CXXC5: variants seen among roughly 807,000 people sequenced by gnomAD.
The protein encoded by CXXC5 is CXXC finger protein 5, also known as CXXC-type zinc finger protein 5.
Under a neutral mutation model 17.6 loss-of-function variants are expected in CXXC5, and 2 were observed. The observed-to-expected ratio is 0.11, with a 90% CI of 0.05 to 0.36. CXXC5 has a LOEUF of 0.36. Ranked by LOEUF, CXXC5 falls within the 10% of genes least tolerant of loss-of-function variation. CXXC5 has a pLI of 1.00. For missense variants in CXXC5, 343 were observed against 458.3 expected, an observed-to-expected ratio of 0.75 and a Z score of 2.30; for synonymous variants, 171 against 193.0, an observed-to-expected ratio of 0.89 and a Z score of 0.94.
intron 1 of CXXC5, among the ~76,000 whole-genome samples, chr5:139,656,447 A>C (rs1486488707): frequency 1.3e-5 from 2 of 151,116 alleles, no homozygotes; most frequent in East Asian, 3.9e-4. Flanking sequence ...AAGTGCTTAC[A>C]TACACACACA....
At position 139,664,469 on chromosome 5, in the gene CXXC5, G is replaced by A. The variant is rs115559300; in HGVS notation, c.-161+15624G>A. ...ACAATGACCCCCCATCCCGTGGTCC[G>A]TGTGTCACTTAGCACCAGGCGCTGC... On this transcript the variant is annotated intron_variant, in intron 1 of 2. Coordinates refer to ENST00000302517, the MANE Select transcript of CXXC5 (RefSeq NM_016463.9). 1.9e-3 allele frequency among the ~76,000 whole-genome samples: 289 copies of A among 152,256 alleles called. 1 individual carries two copies. The highest frequency in any genetic ancestry group is 6.1e-3 in the African/African-American group (254 of 41,526).
Position 139,683,034 on chromosome 5 carries a change from T to A in CXXC5, c.*127T>A. On this transcript the variant is annotated 3_prime_UTR_variant, in exon 3 of 3. Transcript: ENST00000302517. ...AACCAAAAATATTCTCTCACAGATT[T>A]CATTCCTGTTTTTATATATATATTT... The A allele has an allele frequency of 1.4e-6, 1 of 698,388 alleles. No homozygotes were observed. The highest frequency in any genetic ancestry group is 1.9e-5 in the African/African-American group (1 of 53,876). 43.3% of individuals were successfully genotyped at this position (698,388 alleles called of 1,614,324 possible). A position where few individuals can be genotyped will look rare whatever the true frequency, so the allele number is the denominator to read the frequency against.
rs1284367858 is a variant in CXXC5, at chr5:139,680,522, C to G, written c.-2C>G. 1 of 1,553,550 alleles carries G rather than the reference C, an allele frequency of 6.4e-7. No homozygotes were observed. The highest frequency in any genetic ancestry group is 1.9e-5 in the Admixed American group (1 of 51,552). On this transcript the variant is annotated 5_prime_UTR_variant, in exon 2 of 3. Coordinates refer to ENST00000302517, the MANE Select transcript of CXXC5 (RefSeq NM_016463.9). ...CAGTGGGGTCTGGGCCTCGGCCCCA[C>G]CATGTCGAGCCTCGGCGGTGGCTCC...
intron 1 of CXXC5, chr5:139,679,593 A>G (rs1326542984): frequency 2.0e-5 from 3 of 152,234 alleles, no homozygotes; most frequent in Non-Finnish European, 2.9e-5. Flanking sequence ...TTCCAGACTT[A>G]ATGATCTGTA....
In CXXC5 at chr5:139,681,253, C is replaced by A. The variant is rs1313151322; in HGVS notation, c.730C>A (p.Pro244Thr). The A allele has an allele frequency of 6.2e-7, 1 of 1,612,088 alleles. No individual in the cohort carries two copies. Among genetic ancestry groups the A allele is most frequent in the Admixed American group, 1.7e-5 (1 of 59,954 alleles). Reference protein sequence around the residue: ...ALHMAGLAEYPMQGELASAIS... With the variant: ...ALHMAGLAEYTMQGELASAIS... ...GCACATGGCGGGCCTGGCTGAGTAC[C>A]CCATGCAGGGAGAGCTGGCCTCTGC... Residue 244 changes from proline to threonine, a missense_variant, in exon 2 of 3, where the codon CCC (proline) becomes ACC (threonine). Transcript: ENST00000302517.
rs1756214655 is a variant in CXXC5 at position 139,668,099 on chromosome 5, G to A, written c.-160-12265G>A. ...CCTGCGGCACCCTCCCCAACCTCAGGTAGGGGGCCTGGCCCGAGGCAAAAA... is the reference window on the plus strand; with the variant it reads ...CCTGCGGCACCCTCCCCAACCTCAGATAGGGGGCCTGGCCCGAGGCAAAAA... On this transcript the variant is annotated intron_variant, in intron 1 of 2. Transcript: ENST00000302517. This position sits in a 1 kb window ranked among gnomAD's most constrained non-coding sequence, Gnocchi z 4.1. Among the ~76,000 whole-genome samples, 2 of 152,148 alleles carry A rather than the reference G, an allele frequency of 1.3e-5. No homozygotes were observed. The highest frequency in any genetic ancestry group is 2.9e-5 in the Non-Finnish European group (2 of 67,982).
rs371318261 is a variant in CXXC5 at position 139,681,237 on chromosome 5, G to T, written c.714G>T (p.Ala238=). The change falls in exon 2 of 3, where the codon GCG becomes GCT. Residue 238 remains alanine, a synonymous_variant. Coordinates refer to ENST00000302517, the MANE Select transcript of CXXC5 (RefSeq NM_016463.9). Reference sequence around the variant, plus strand: ...TGGCCGAGAGCGCGCTGCACATGGCGGGCCTGGCTGAGTACCCCATGCAGG... The same window carrying T: ...TGGCCGAGAGCGCGCTGCACATGGCTGGCCTGGCTGAGTACCCCATGCAGG... The part of the protein sequence containing the change: ...VFLAESALHM[A]GLAEYPMQGE... 1 of 1,611,886 alleles carries T rather than the reference G, an allele frequency of 6.2e-7. No homozygotes were observed. Among genetic ancestry groups the T allele is most frequent in the East Asian group, 2.2e-5 (1 of 44,860 alleles).
At chr5:139,652,163 C>CGTGT (rs1326798150) in intron 1 of CXXC5, among the ~76,000 whole-genome samples, 5,077 of 139,648 alleles carry the variant, frequency 0.036, 123 homozygotes, top group Middle Eastern at 0.093. Context: ...CGCGCGCGCG[C>CGTGT]GCGCGCGCGT....
intron 1 of CXXC5, among the ~76,000 whole-genome samples, chr5:139,676,807 A>T (rs2126812199): frequency 6.6e-6 from 1 of 151,582 alleles, no homozygotes; most frequent in Admixed American, 6.6e-5. Context: ...TACCCCAGAC[A>T]CTGCTTCCCA....
rs1393878106 is a variant in CXXC5 at position 139,680,619 on chromosome 5, A to G, written c.96A>G (p.Ala32=). Residue 32 remains alanine (A), a synonymous_variant, in exon 2 of 3, where the codon GCA becomes GCG. Transcript: ENST00000302517. ...SGGSGSSGPK[A]GAADKSAVVA... ...GCAGTGGCAGCAGTGGCCCAAAGGC[A>G]GGAGCAGCAGACAAGAGTGCAGTGG... 2 of 1,611,884 alleles carry G rather than the reference A, an allele frequency of 1.2e-6. No individual in the cohort carries two copies. Among genetic ancestry groups the G allele is most frequent in the African/African-American group, 2.7e-5 (2 of 74,898 alleles).
chr5:139,661,023 G>C lies in CXXC5; in HGVS notation c.-161+12178G>C, dbSNP rs1425902220. Among the ~76,000 whole-genome samples the C allele has an allele frequency of 1.3e-5, 2 of 152,182 alleles. No individual in the cohort carries two copies. The highest frequency in any genetic ancestry group is 2.9e-5 in the Non-Finnish European group (2 of 68,016). On this transcript the variant is annotated intron_variant, in intron 1 of 2. Coordinates refer to ENST00000302517, the MANE Select transcript of CXXC5 (RefSeq NM_016463.9). This position sits in a 1 kb window ranked among gnomAD's most constrained non-coding sequence, Gnocchi z 4.7. ...GAACCCCGGAGCTGCAGCCTGGGCC[G>C]AGGGGGCCAGGGCAGCCGGAGTCTG...
intron 1 of CXXC5, among the ~76,000 whole-genome samples, chr5:139,654,293 T>G (rs772783111): frequency 6.6e-6 from 1 of 152,220 alleles, no homozygotes; most frequent in Non-Finnish European, 1.5e-5. Flanking sequence ...GTATGAGCAG[T>G]GGCTCTAGAG....
At chr5:139,678,594 C>T (rs1050463922) in intron 1 of CXXC5, among the ~76,000 whole-genome samples, 7 of 152,230 alleles carry the variant, frequency 4.6e-5, no homozygotes, top group Admixed American at 1.3e-4. Flanking sequence ...TCCCCACACC[C>T]GGTCCTCTTT....
intron 1 of CXXC5, among the ~76,000 whole-genome samples, chr5:139,677,452 A>C (rs1450942663): frequency 6.6e-6 from 1 of 152,164 alleles, no homozygotes; most frequent in African/African-American, 2.4e-5. Context: ...CCAGGACATC[A>C]GTTTTTCCTA....
At chr5:139,652,163 C>CGCGCGCGCGT (rs1202826394) in intron 1 of CXXC5, among the ~76,000 whole-genome samples, 2 of 139,814 alleles carry the variant, frequency 1.4e-5, no homozygotes, top group Non-Finnish European at 3.1e-5. Flanking sequence ...CGCGCGCGCG[C>CGCGCGCGCGT]GCGCGCGCGT....
At chr5:139,662,213 A>G (rs986068392) in intron 1 of CXXC5, among the ~76,000 whole-genome samples, 1 of 152,108 alleles carries the variant, frequency 6.6e-6, no homozygotes, top group African/African-American at 2.4e-5. Flanking sequence ...CAAGGCCCTC[A>G]TTATCCAGTG....
chr5:139,657,661 C>T (rs1025417022), intron 1 of CXXC5, among the ~76,000 whole-genome samples: 9 of 152,148 alleles, frequency 5.9e-5, no homozygotes, highest in Non-Finnish European at 1.0e-4. Flanking sequence ...GCCAGTGGGG[C>T]GGGTCCTATC....
At chr5:139,655,373 A>G (rs1738639226) in intron 1 of CXXC5, among the ~76,000 whole-genome samples, 2 of 151,700 alleles carry the variant, frequency 1.3e-5, no homozygotes, top group African/African-American at 4.9e-5. Flanking sequence ...TCAATATTTC[A>G]TGGCCCTTCA....
At chr5:139,682,151 C>G (rs1757271947) in intron 2 of CXXC5, among the ~76,000 whole-genome samples, 1 of 152,196 alleles carries the variant, frequency 6.6e-6, no homozygotes, top group Non-Finnish European at 1.5e-5. Context: ...CCTGTGCCCC[C>G]AGATGCAGCA....
Sources: allele counts gnomAD v4.1 joint callset (sites outside exome capture counted in the v4.1 genomes callset), GRCh38; gene constraint gnomAD v4.1.1; non-coding constraint Gnocchi (gnomAD v3.1); transcripts MANE v1.5; gene names NCBI Gene and HGNC (gene_info 2026-07-23, HGNC 2026-07-21).